FLNB: variants seen among roughly 807,000 people sequenced by gnomAD.
FLNB encodes filamin B.
Under a neutral mutation model 250.6 loss-of-function variants are expected in FLNB, and 111 were observed. That is an observed-to-expected ratio of 0.44 (90% CI 0.38 to 0.52). The LOEUF is 0.52. Among genes scored for constraint, FLNB ranks in the 20% least tolerant of loss-of-function variants. FLNB has a pLI of 0.00. For synonymous variants in FLNB, 1,302 were observed against 1,372.1 expected (o/e 0.95, Z 1.13); for missense variants, 2,869 against 3,447.8 (o/e 0.83, Z 4.20).
intron 1 of FLNB, among the ~76,000 whole-genome samples, chr3:58,024,701 CTTTTTTT>C (rs1174805764): frequency 3.6e-5 from 3 of 83,766 alleles, no homozygotes; most frequent in African/African-American, 1.3e-4. Flanking sequence ...GCCAAGCCTC[CTTTTTTT>C]TTTTTTTTTT....
In FLNB at chr3:58,125,588, T is replaced by C; in HGVS notation, c.3906T>C (p.His1302=). Residue 1302 remains histidine, a synonymous_variant, in exon 23 of 46, where the codon CAT becomes CAC. Coordinates refer to ENST00000295956, the MANE Select transcript of FLNB (RefSeq NM_001457.4). The stretch of plus-strand genomic sequence containing the variant: ...GTTTGTTGTTTTGAGCAGGTCTCCA[T>C]GTAGTGGAGGTGACATATGATGACG... ...VEYTPFEKGL[H]VVEVTYDDVP... 9.9e-6 allele frequency: 16 copies of C among 1,614,154 alleles called. No homozygotes were observed. Among genetic ancestry groups the C allele is most frequent in the Non-Finnish European group, 1.4e-5 (16 of 1,179,992 alleles).
At chr3:58,074,048 G>C (rs2097198379) in intron 1 of FLNB, among the ~76,000 whole-genome samples, 1 of 152,170 alleles carries the variant, frequency 6.6e-6, no homozygotes, top group Admixed American at 6.5e-5. Context: ...CCATTTTTCT[G>C]TTGGTTAGAA....
At chr3:58,139,734 T>C (rs1162230503) in intron 29 of FLNB, among the ~76,000 whole-genome samples, 2 of 152,058 alleles carry the variant, frequency 1.3e-5, no homozygotes, top group Admixed American at 1.3e-4. Context: ...AGGGTACCAG[T>C]TGTAGTTTTC....
intron 4 of FLNB, 90 bp downstream of exon 4, chr3:58,081,866 CAAA>C: frequency 7.1e-7 from 1 of 1,405,628 alleles, no homozygotes; most frequent in Non-Finnish European, 1.0e-6. Context: ...TTCTTAGAAT[CAAA>C]AATAGATAGG....
chr3:58,084,011 G>A (rs2097213249), intron 4 of FLNB, among the ~76,000 whole-genome samples: 1 of 151,960 alleles, frequency 6.6e-6, no homozygotes, highest in Non-Finnish European at 1.5e-5. Flanking sequence ...GGCTAACAAG[G>A]TGAAACCCCA....
rs368472521 is a variant in FLNB at position 58,078,747 on chromosome 3, C to T, written c.572C>T (p.Pro191Leu). Residue 191 changes from proline (P) to leucine (L), a missense_variant, in exon 3 of 46, where the codon CCG (proline) becomes CTG (leucine). This residue lies in a region of FLNB where 308 missense variants were observed against 466.1 expected (regional missense o/e 0.66). Transcript: ENST00000295956. ...GLCPDWESWD[P>L]QKPVDNAREA... ...TGCCCAGACTGGGAATCCTGGGACC[C>T]GCAGAAGCCTGTGGATAATGCACGA... is the stretch of plus-strand genomic sequence containing the variant. 8.1e-6 allele frequency: 13 copies of T among 1,613,672 alleles called. No individual in the cohort carries two copies. The highest frequency in any genetic ancestry group is 8.0e-5 in the African/African-American group (6 of 74,922).
chr3:58,133,536 T>G (rs1221319382), intron 26 of FLNB, among the ~76,000 whole-genome samples: 1 of 122,726 alleles, frequency 8.1e-6, no homozygotes, highest in Non-Finnish European at 1.6e-5. Context: ...TTTTGGTGTT[T>G]TGGTGAACCT....
Position 58,008,463 on chromosome 3 carries a change from C to A in FLNB, c.-102C>A. 1 of 1,407,508 alleles carries A rather than the reference C, an allele frequency of 7.1e-7. No homozygotes were observed. Among genetic ancestry groups the A allele is most frequent in the Non-Finnish European group, 9.8e-7 (1 of 1,020,832 alleles). The allele number at this position is 1,407,508 out of a possible 1,614,324, so 87.2% of individuals were successfully genotyped here. On this transcript the variant is annotated 5_prime_UTR_variant, in exon 1 of 46. Coordinates refer to ENST00000295956, the MANE Select transcript of FLNB (RefSeq NM_001457.4). ...TGGCTCCGGTAGCAGCAAGTTCGAA[C>A]CCCGCTCCCGCTCCGCTTCGGTTCT...
intron 1 of FLNB, among the ~76,000 whole-genome samples, chr3:58,020,598 G>T (rs1158394075): frequency 6.6e-6 from 1 of 152,008 alleles, no homozygotes; most frequent in Non-Finnish European, 1.5e-5. Context: ...ATGCTGGCAT[G>T]AATTCCTTTT....
intron 1 of FLNB, among the ~76,000 whole-genome samples, chr3:58,043,700 G>C (rs2097149499): frequency 2.6e-5 from 4 of 152,252 alleles, no homozygotes; most frequent in African/African-American, 9.6e-5. Flanking sequence ...AGCCAGAAAG[G>C]AGAGTGAGAG....
intron 15 of FLNB, 54 bp from the exon 16 acceptor site, chr3:58,109,956 G>A (rs1362255981): frequency 3.1e-6 from 5 of 1,604,512 alleles, no homozygotes; most frequent in Non-Finnish European, 4.3e-6. Flanking sequence ...GGAAGAGATT[G>A]CACAGGACAT....
chr3:58,130,944 C>T, intron 25 of FLNB, 36 bp downstream of exon 25: 1 of 1,592,938 alleles, frequency 6.3e-7, no homozygotes. Flanking sequence ...AGACATTCAT[C>T]TGCCCCAGGC....
intron 1 of FLNB, among the ~76,000 whole-genome samples, chr3:58,016,520 T>G (rs2097106011): frequency 6.6e-6 from 1 of 150,532 alleles, no homozygotes; most frequent in Non-Finnish European, 1.5e-5. Flanking sequence ...GTTATAAACA[T>G]ACTCTACTGT....
chr3:58,042,709 G>A (rs1264860659), intron 1 of FLNB, among the ~76,000 whole-genome samples: 2 of 151,964 alleles, frequency 1.3e-5, no homozygotes, highest in Non-Finnish European at 2.9e-5. Flanking sequence ...TGTAGAGGCG[G>A]GGTTTTGCCA....
intron 42 of FLNB, 25 bp from the exon 43 acceptor site, chr3:58,163,129 C>T: frequency 6.2e-7 from 1 of 1,613,218 alleles, no homozygotes; most frequent in Non-Finnish European, 8.5e-7. Context: ...TTGATTTCAC[C>T]CTGTGCCTTT....
chr3:58,067,114 G>A (rs988848619), intron 1 of FLNB, among the ~76,000 whole-genome samples: 1 of 152,150 alleles, frequency 6.6e-6, no homozygotes, highest in South Asian at 2.1e-4. Flanking sequence ...CATGCCCAGG[G>A]CAGGCATTGC....
Position 58,106,671 on chromosome 3 carries a change from A to AC in FLNB, c.1748-4dup. ...TAACCAGGGAGACCCTTCCACCTCCACCCCCTAGGGTTTGCCATTGAAGGC... is the reference window on the plus strand; with the variant it reads ...TAACCAGGGAGACCCTTCCACCTCCACCCCCCTAGGGTTTGCCATTGAAGGC... On this transcript the variant is annotated splice_polypyrimidine_tract_variant and intron_variant, in intron 11 of 45. Coordinates refer to ENST00000295956, the MANE Select transcript of FLNB (RefSeq NM_001457.4). 3.1e-6 allele frequency: 5 copies of AC among 1,613,724 alleles called. No homozygotes were observed. In the South Asian group the frequency reaches 4.4e-5, roughly 14 times the overall value.
chr3:58,072,253 G>A (rs1468619620), intron 1 of FLNB, among the ~76,000 whole-genome samples: 1 of 152,106 alleles, frequency 6.6e-6, no homozygotes, highest in Non-Finnish European at 1.5e-5. Flanking sequence ...GATTTGGGGA[G>A]GAGAAACCCA....
At chr3:58,120,605 C>T (rs1359218881) in intron 19 of FLNB, among the ~76,000 whole-genome samples, 1 of 152,192 alleles carries the variant, frequency 6.6e-6, no homozygotes, top group Non-Finnish European at 1.5e-5. Flanking sequence ...TCAGCACTTG[C>T]TTCAATCGGC....
Sources: gnomAD v4.1 joint callset for allele counts (sites outside exome capture counted in the v4.1 genomes callset) on GRCh38, gnomAD v4.1.1 for gene constraint, gnomAD v4.1.1 regional missense constraint, MANE v1.5 for transcripts, NCBI Gene and HGNC (gene_info 2026-07-23, HGNC 2026-07-21) for gene names.